The following MGAT5 variants were observed in gnomAD, a reference collection of about 807,000 sequenced individuals.
The protein encoded by MGAT5 is alpha-1,6-mannosylglycoprotein 6-beta-N-acetylglucosaminyltransferase A.
A neutral mutation model predicts 94.3 loss-of-function variants in MGAT5; 30 were observed. The observed-to-expected ratio is 0.32, with a 90% CI of 0.24 to 0.43. The LOEUF is 0.43. Ranked by LOEUF, MGAT5 falls within the 20% of genes least tolerant of loss-of-function variation. The pLI, the probability that MGAT5 is intolerant of heterozygous loss-of-function variation, is 1.00. For missense variants in MGAT5, 691 were observed against 905.5 expected (o/e 0.76, Z 3.04); for synonymous variants, 310 against 322.9 (o/e 0.96, Z 0.43).
At chr2:134,430,557 T>G (rs185017919) in intron 14 of MGAT5, among the ~76,000 whole-genome samples, 25 of 152,274 alleles carry the variant, frequency 1.6e-4, no homozygotes, top group African/African-American at 4.3e-4. Context: ...AGTGTGCTTT[T>G]TATTCCTGTG....
At chr2:134,391,048 G>A (rs1164933745) in intron 10 of MGAT5, among the ~76,000 whole-genome samples, 10 of 152,112 alleles carry the variant, frequency 6.6e-5, no homozygotes, top group Admixed American at 6.6e-4. Context: ...TAGAATATCT[G>A]ATCAGGTCCT....
chr2:134,131,987 T>C (rs373137932), intron 1 of MGAT5, among the ~76,000 whole-genome samples: 5 of 152,312 alleles, frequency 3.3e-5, no homozygotes, highest in African/African-American at 1.2e-4. Flanking sequence ...CGGCCAGGGT[T>C]ACCTGAATCA....
At chr2:134,400,985 A>G (rs1683016491) in intron 10 of MGAT5, among the ~76,000 whole-genome samples, 1 of 152,050 alleles carries the variant, frequency 6.6e-6, no homozygotes, top group South Asian at 2.1e-4. Flanking sequence ...TGGGTGGGAT[A>G]AGAACCAGAG....
At chr2:134,429,133 A>G (rs1684746316) in intron 14 of MGAT5, among the ~76,000 whole-genome samples, 1 of 152,206 alleles carries the variant, frequency 6.6e-6, no homozygotes, top group African/African-American at 2.4e-5. Context: ...GATCCCAGAA[A>G]TAAGGTGCTC....
intron 3 of MGAT5, among the ~76,000 whole-genome samples, chr2:134,318,001 A>G (rs1008401298): frequency 2.6e-5 from 4 of 152,120 alleles, no homozygotes; most frequent in Non-Finnish European, 5.9e-5. Flanking sequence ...AAGCCTCCAG[A>G]CTGTGGTTTA....
chr2:134,403,049 G>T lies in MGAT5; in HGVS notation c.1442G>T (p.Gly481Val), dbSNP rs777735835. The T allele has an allele frequency of 6.2e-7, 1 of 1,612,648 alleles. No individual in the cohort carries two copies. The highest frequency in any genetic ancestry group is 8.5e-7 in the Non-Finnish European group (1 of 1,179,738). ...ATGGAAGTGCATGCAACTGTTTATGGCTCCAGCACAAAGAATATTCCCAGT... is the reference window on the plus strand; with the variant it reads ...ATGGAAGTGCATGCAACTGTTTATGTCTCCAGCACAAAGAATATTCCCAGT... ...TYMEVHATVYGSSTKNIPSYV... is the reference protein window; with the variant it reads ...TYMEVHATVYVSSTKNIPSYV... The change falls in exon 11 of 16, where the codon GGC becomes GTC. Residue 481 changes from glycine to valine, a missense_variant. This residue lies in a region of MGAT5 where 260 missense variants were observed against 347.0 expected (regional missense o/e 0.75). Transcript: ENST00000281923.
At chr2:134,205,622 G>A (rs1425796276) in intron 1 of MGAT5, among the ~76,000 whole-genome samples, 1 of 152,178 alleles carries the variant, frequency 6.6e-6, no homozygotes, top group African/African-American at 2.4e-5. Flanking sequence ...TGGAGCTCAT[G>A]AGTGGCACAT....
chr2:134,182,841 C>T (rs1257116232), intron 1 of MGAT5, among the ~76,000 whole-genome samples: 1 of 130,932 alleles, frequency 7.6e-6, no homozygotes, highest in Non-Finnish European at 1.5e-5. Context: ...GGCTAGAGTG[C>T]AGTGGCCTGA....
chr2:134,140,639 G>A (rs957037759), intron 1 of MGAT5, among the ~76,000 whole-genome samples: 1 of 152,216 alleles, frequency 6.6e-6, no homozygotes, highest in East Asian at 1.9e-4. Flanking sequence ...CACATCCAGG[G>A]TGGGGCCATG....
intron 4 of MGAT5, among the ~76,000 whole-genome samples, chr2:134,325,690 T>G (rs1036066223): frequency 3.3e-5 from 5 of 152,162 alleles, no homozygotes; most frequent in African/African-American, 1.2e-4. Flanking sequence ...TTGTATAAAT[T>G]AAAGTTTATT....
intron 2 of MGAT5, among the ~76,000 whole-genome samples, chr2:134,272,176 A>C (rs929492995): frequency 1.3e-5 from 2 of 152,198 alleles, no homozygotes; most frequent in Admixed American, 1.3e-4. Flanking sequence ...TACACCTCTA[A>C]GAAGGAAATG....
Position 134,344,994 on chromosome 2 carries a change from C to A in MGAT5, c.1042C>A (p.Leu348Ile). 1 of 1,613,654 alleles carries A rather than the reference C, an allele frequency of 6.2e-7. No homozygotes were observed. The highest frequency in any genetic ancestry group is 8.5e-7 in the Non-Finnish European group (1 of 1,179,728). ...AACTGTAGGAGACAGAATTGTTGAG[C>A]TCATTTACATTGATATTGTAGGACT... ...CPTVGDRIVE[L>I]IYIDIVGLAQ... Residue 348 changes from leucine to isoleucine, a missense_variant, in exon 8 of 16, where the codon CTC (leucine) becomes ATC (isoleucine). Leu to Ile is a conservative substitution (Grantham distance 5, BLOSUM62 2). This residue lies in a region of MGAT5 where 121 missense variants were observed against 206.1 expected (regional missense o/e 0.59). Coordinates refer to ENST00000281923, the MANE Select transcript of MGAT5 (RefSeq NM_002410.5).
At chr2:134,228,465 A>G (rs2105382349) in intron 1 of MGAT5, among the ~76,000 whole-genome samples, 1 of 152,322 alleles carries the variant, frequency 6.6e-6, no homozygotes, top group East Asian at 1.9e-4. Flanking sequence ...CATTTTCCAG[A>G]TGTTTTTGAC....
chr2:134,249,401 T>C (rs1411959327), upstream of MGAT5, among the ~76,000 whole-genome samples: 1 of 152,142 alleles, frequency 6.6e-6, no homozygotes, highest in East Asian at 1.9e-4. Context: ...CTATCACCTC[T>C]CATTTCCTCC....
intron 1 of MGAT5, among the ~76,000 whole-genome samples, chr2:134,143,036 G>A (rs112533873): frequency 3.8e-4 from 58 of 152,260 alleles, no homozygotes; most frequent in African/African-American, 1.1e-3. Context: ...ATGTGAGACA[G>A]GCCCTCCTCA....
At chr2:134,194,467 G>A (rs890694328) in intron 1 of MGAT5, among the ~76,000 whole-genome samples, 3 of 152,168 alleles carry the variant, frequency 2.0e-5, no homozygotes, top group East Asian at 3.9e-4. Flanking sequence ...ACAAGGGGGC[G>A]GAGGGTGGAA....
Position 134,318,748 on chromosome 2 carries a change from C to G in MGAT5, c.573+9C>G, listed in dbSNP as rs1232866675. On this transcript the variant is annotated intron_variant, in intron 4 of 15. Transcript: ENST00000281923. ...TTATTTACCTCAGTGAGGTGAGTAG[C>G]TTTCTGTGGCTCCTGGGGGTAGATG... 6.3e-7 allele frequency: 1 copy of G among 1,589,766 alleles called. No individual in the cohort carries two copies. The highest frequency in any genetic ancestry group is 1.3e-5 in the African/African-American group (1 of 74,542).
chr2:134,347,629 G>T (rs1573879314), intron 8 of MGAT5, among the ~76,000 whole-genome samples: 1 of 152,122 alleles, frequency 6.6e-6, no homozygotes, highest in African/African-American at 2.4e-5. Context: ...ATACAAATAT[G>T]ATATTAGGCA....
At chr2:134,382,449 A>G (rs901931443) in intron 10 of MGAT5, among the ~76,000 whole-genome samples, 5 of 152,130 alleles carry the variant, frequency 3.3e-5, no homozygotes, top group Non-Finnish European at 5.9e-5. Context: ...GTGTTTTTCA[A>G]ATATCGTGTG....
Sources: gnomAD v4.1 joint callset for allele counts (sites outside exome capture counted in the v4.1 genomes callset) on GRCh38, gnomAD v4.1.1 for gene constraint, gnomAD v4.1.1 regional missense constraint, MANE v1.5 for transcripts, NCBI Gene and HGNC (gene_info 2026-07-23, HGNC 2026-07-21) for gene names.